The following STXBP5L variants were observed in gnomAD, a reference collection of about 807,000 sequenced individuals.
STXBP5L encodes syntaxin binding protein 5L.
A neutral mutation model predicts 144.5 loss-of-function variants in STXBP5L; 65 were observed. That is an observed-to-expected ratio of 0.45 (90% CI 0.37 to 0.55). The LOEUF is 0.55. STXBP5L is among the 20% of genes least tolerant of loss of function. The probability of loss-of-function intolerance (pLI) is 0.00; values close to 1 mark genes in which losing one functional copy is unlikely to be tolerated. For missense variants in STXBP5L, 1,298 were observed against 1,405.5 expected (o/e 0.92, Z 1.22); for synonymous variants, 505 against 469.6 (o/e 1.08, Z -0.97).
chr3:121,061,947 G>A (rs1485245620), intron 5 of STXBP5L, among the ~76,000 whole-genome samples: 1 of 152,068 alleles, frequency 6.6e-6, no homozygotes, highest in Non-Finnish European at 1.5e-5. Context: ...TTTAATTGGG[G>A]CATTTAGCCT....
chr3:121,348,701 G>A (rs1053269925), intron 20 of STXBP5L, among the ~76,000 whole-genome samples: 9 of 152,018 alleles, frequency 5.9e-5, no homozygotes, highest in African/African-American at 1.2e-4. Context: ...TGTATGTGTC[G>A]AGGAATTTAT....
At chr3:121,210,000 A>G (rs972004714) in intron 10 of STXBP5L, among the ~76,000 whole-genome samples, 5 of 152,110 alleles carry the variant, frequency 3.3e-5, no homozygotes, top group African/African-American at 1.2e-4. Context: ...CTCCTTGAGG[A>G]CTCACCACAC....
chr3:121,153,801 C>A (rs1295131577), intron 8 of STXBP5L, among the ~76,000 whole-genome samples: 1 of 151,806 alleles, frequency 6.6e-6, no homozygotes, highest in Non-Finnish European at 1.5e-5. Flanking sequence ...TAATATCATG[C>A]AGTTATGTTC....
chr3:121,276,120 A>G (rs1415385896), intron 18 of STXBP5L, among the ~76,000 whole-genome samples: 1 of 150,506 alleles, frequency 6.6e-6, no homozygotes, highest in Non-Finnish European at 1.5e-5. Context: ...GAAAGATTGC[A>G]TATCTTTTAA....
In STXBP5L at chr3:121,264,820, A is replaced by G. The variant is rs111469335; in HGVS notation, c.1958+5652A>G. Among the ~76,000 whole-genome samples, 301 of 152,022 alleles carry G rather than the reference A, an allele frequency of 2.0e-3. 3 individuals carry two copies. The highest frequency in any genetic ancestry group is 6.8e-3 in the African/African-American group (282 of 41,496). On this transcript the variant is annotated intron_variant, in intron 18 of 26. Coordinates refer to ENST00000471454, the MANE Select transcript of STXBP5L (RefSeq NM_001308330.2). The stretch of plus-strand genomic sequence containing the variant: ...ATGGAAAGCACAAAAAAAAAAAAAA[A>G]AAGATTGCAATCTTAGTCTCTGATA...
chr3:120,949,211 G>A (rs1019896741), intron 2 of STXBP5L, among the ~76,000 whole-genome samples: 2 of 151,834 alleles, frequency 1.3e-5, no homozygotes, highest in African/African-American at 2.4e-5. Flanking sequence ...CTTCTTTTGA[G>A]AATTGTCTAT....
chr3:121,338,384 C>T (rs1014028104), intron 20 of STXBP5L, among the ~76,000 whole-genome samples: 6 of 151,786 alleles, frequency 4.0e-5, no homozygotes, highest in Non-Finnish European at 7.4e-5. Context: ...TGGTTCACGC[C>T]TGTAATCCCA....
chr3:121,113,862 C>T (rs560451278), intron 5 of STXBP5L, among the ~76,000 whole-genome samples: 1 of 151,440 alleles, frequency 6.6e-6, no homozygotes, highest in Non-Finnish European at 1.5e-5. Flanking sequence ...TTAGTAGAGT[C>T]GGGGTTTCAC....
At chr3:121,312,444 A>T (rs1310718193) in intron 19 of STXBP5L, among the ~76,000 whole-genome samples, 1 of 31,950 alleles carries the variant, frequency 3.1e-5, no homozygotes, top group Non-Finnish European at 5.9e-5. Flanking sequence ...AGGTATGTCA[A>T]TCTTTTTTTT....
intron 5 of STXBP5L, among the ~76,000 whole-genome samples, chr3:121,069,379 TTAAC>T (rs2041700562): frequency 6.6e-6 from 1 of 152,176 alleles, no homozygotes; most frequent in Non-Finnish European, 1.5e-5. Flanking sequence ...TACAGTTTAT[TTAAC>T]TATTCACCCA....
rs77444503 is a variant in STXBP5L, at chr3:121,176,446, T to G, written c.877+18819T>G. On this transcript the variant is annotated intron_variant, in intron 9 of 26. Transcript: ENST00000471454. ...GATAATCAATGAAACCAAAAGAGAGTTCTTTGAAAAGGTTAAAATCAATAA... is the reference window on the plus strand; with the variant it reads ...GATAATCAATGAAACCAAAAGAGAGGTCTTTGAAAAGGTTAAAATCAATAA... Among the ~76,000 whole-genome samples the G allele has an allele frequency of 7.7e-3, 1,052 of 137,072 alleles. 9 individuals carry two copies. Among genetic ancestry groups the G allele is most frequent in the African/African-American group, 0.025 (934 of 37,044 alleles). 89.9% of individuals were successfully genotyped at this position (137,072 alleles called of 152,430 possible). A position where few individuals can be genotyped will look rare whatever the true frequency, so the allele number is the denominator to read the frequency against.
At chr3:121,083,749 T>C (rs1363518216) in intron 5 of STXBP5L, among the ~76,000 whole-genome samples, 1 of 152,196 alleles carries the variant, frequency 6.6e-6, no homozygotes, top group East Asian at 1.9e-4. Flanking sequence ...AATTTCTTTT[T>C]TGGAAATTTG....
chr3:120,951,535 C>G (rs1711226262), intron 2 of STXBP5L, among the ~76,000 whole-genome samples: 1 of 151,982 alleles, frequency 6.6e-6, no homozygotes, highest in Non-Finnish European at 1.5e-5. Flanking sequence ...ATTTATGCAG[C>G]CAAAAAACAC....
At chr3:121,328,037 T>G (rs965342315) in intron 20 of STXBP5L, among the ~76,000 whole-genome samples, 1 of 152,200 alleles carries the variant, frequency 6.6e-6, no homozygotes, top group Non-Finnish European at 1.5e-5. Flanking sequence ...AAGCCCGTTA[T>G]AATTCAAGTT....
At chr3:121,291,031 TACTGG>T (rs1310759962) in intron 19 of STXBP5L, among the ~76,000 whole-genome samples, 3 of 152,130 alleles carry the variant, frequency 2.0e-5, no homozygotes, top group African/African-American at 7.2e-5. Context: ...GTCAACATAG[TACTGG>T]AAGTCCTAGC....
At position 120,949,943 on chromosome 3, in the gene STXBP5L, T is replaced by G. The variant is rs538276383; in HGVS notation, c.190-4997T>G. On this transcript the variant is annotated intron_variant, in intron 2 of 26. Coordinates refer to ENST00000471454, the MANE Select transcript of STXBP5L (RefSeq NM_001308330.2). ...CTTTGGACAGAGTTCAATATGTCTG[T>G]TTTTTGTTTCATTGCTTGTGTTTTT... is the stretch of plus-strand genomic sequence containing the variant. Among the ~76,000 whole-genome samples, 13 of 152,158 alleles carry G rather than the reference T, an allele frequency of 8.5e-5. No homozygotes were observed. In the South Asian group the frequency reaches 1.2e-3, roughly 15 times the overall value.
intron 3 of STXBP5L, among the ~76,000 whole-genome samples, chr3:121,028,133 A>C (rs931933972): frequency 1.3e-5 from 2 of 152,124 alleles, no homozygotes; most frequent in African/African-American, 4.8e-5. Flanking sequence ...AATTGTATCT[A>C]AATTAATAGA....
At chr3:121,094,295 G>T (rs1006844701) in intron 5 of STXBP5L, among the ~76,000 whole-genome samples, 8 of 152,258 alleles carry the variant, frequency 5.3e-5, no homozygotes, top group Middle Eastern at 6.8e-3. Context: ...GGTCCGCTTG[G>T]TGCAGAGCTG....
rs778167191 is a variant in STXBP5L, at chr3:121,279,789, T to A, written c.1959-16T>A. ...TTGTTGTGATACATTCTAGTTGTATTTTTTTTCTCTCTTAGAGTTGCATTT... is the reference window on the plus strand; with the variant it reads ...TTGTTGTGATACATTCTAGTTGTATATTTTTTCTCTCTTAGAGTTGCATTT... On this transcript the variant is annotated splice_polypyrimidine_tract_variant and intron_variant, in intron 18 of 26. Coordinates refer to ENST00000471454, the MANE Select transcript of STXBP5L (RefSeq NM_001308330.2). 4 of 1,610,352 alleles carry A rather than the reference T, an allele frequency of 2.5e-6. No homozygotes were observed. Among genetic ancestry groups the A allele is most frequent in the Non-Finnish European group, 3.4e-6 (4 of 1,177,954 alleles).
Sources: allele counts gnomAD v4.1 joint callset (sites outside exome capture counted in the v4.1 genomes callset), GRCh38; gene constraint gnomAD v4.1.1; transcripts MANE v1.5; gene names NCBI Gene and HGNC (gene_info 2026-07-23, HGNC 2026-07-21).